MGLL: variants seen among roughly 807,000 people sequenced by gnomAD.
MGLL encodes the protein monoglyceride lipase.
A neutral mutation model predicts 29.1 loss-of-function variants in MGLL; 7 were observed. The observed-to-expected ratio is 0.24, with a 90% CI of 0.14 to 0.45. MGLL has a LOEUF of 0.45. MGLL is among the 20% of genes least tolerant of loss of function. MGLL has a pLI of 0.99. For synonymous variants in MGLL, 148 were observed against 168.3 expected (o/e 0.88, Z 0.93); for missense variants, 356 against 413.6 (o/e 0.86, Z 1.21).
intron 3 of MGLL, among the ~76,000 whole-genome samples, chr3:127,738,822 C>T (rs1289304904): frequency 6.6e-6 from 1 of 152,190 alleles, no homozygotes; most frequent in Non-Finnish European, 1.5e-5. Context: ...TCCCAATCTG[C>T]ACCAGCCGCA....
chr3:127,786,169 C>T lies in MGLL; in HGVS notation c.156-4274G>A, dbSNP rs1053034853. ...CAGAGGATGGTACCCAGCTGGGCAG[C>T]GACCTGATCTGACTTCAGCTTTGTG... On this transcript the variant is annotated intron_variant, in intron 2 of 7. Coordinates refer to ENST00000265052, the MANE Select transcript of MGLL (RefSeq NM_007283.7). Among the ~76,000 whole-genome samples, 10 of 152,194 alleles carry T rather than the reference C, an allele frequency of 6.6e-5. No homozygotes were observed. In the East Asian group the frequency reaches 1.2e-3, roughly 18 times the overall value.
intron 6 of MGLL, among the ~76,000 whole-genome samples, chr3:127,702,270 TG>T (rs1400310933): frequency 6.6e-6 from 1 of 152,214 alleles, no homozygotes; most frequent in African/African-American, 2.4e-5. Flanking sequence ...CTAGCCTGGC[TG>T]GAGTGGGAAC....
At chr3:127,814,991 G>A (rs2077729568) in intron 2 of MGLL, among the ~76,000 whole-genome samples, 1 of 152,184 alleles carries the variant, frequency 6.6e-6, no homozygotes, top group Non-Finnish European at 1.5e-5. Flanking sequence ...ATGCATGGTA[G>A]GGCCCATTTT....
chr3:127,742,108 T>C (rs2076351004), intron 3 of MGLL, among the ~76,000 whole-genome samples: 1 of 152,096 alleles, frequency 6.6e-6, no homozygotes. Flanking sequence ...TTTTCATGAG[T>C]TCTAATACAT....
intron 3 of MGLL, among the ~76,000 whole-genome samples, chr3:127,745,255 C>G (rs1217447639): frequency 6.6e-6 from 1 of 152,238 alleles, no homozygotes; most frequent in African/African-American, 2.4e-5. Context: ...TGCTAGTCTT[C>G]CTTTCTCCAC....
intron 6 of MGLL, among the ~76,000 whole-genome samples, chr3:127,707,849 G>A (rs1319604867): frequency 6.6e-6 from 1 of 152,246 alleles, no homozygotes; most frequent in African/African-American, 2.4e-5. Context: ...CGCAAGTGAA[G>A]AGAGCCCACT....
At chr3:127,791,233 G>T (rs1415025481) in intron 2 of MGLL, 3 of 152,214 alleles carry the variant, frequency 2.0e-5, no homozygotes, top group Non-Finnish European at 4.4e-5. Flanking sequence ...ATCATTGAAA[G>T]ATCAGAGTCC....
intron 3 of MGLL, among the ~76,000 whole-genome samples, chr3:127,741,518 C>A (rs1256647654): frequency 6.6e-6 from 1 of 152,218 alleles, no homozygotes; most frequent in Non-Finnish European, 1.5e-5. Flanking sequence ...GCTAGGACAC[C>A]ACGATGCGTG....
At chr3:127,817,562 T>C (rs1184369511) in intron 2 of MGLL, among the ~76,000 whole-genome samples, 1 of 152,206 alleles carries the variant, frequency 6.6e-6, no homozygotes, top group Non-Finnish European at 1.5e-5. Flanking sequence ...ACAGCAAATA[T>C]GGTCTGCTCC....
intron 3 of MGLL, among the ~76,000 whole-genome samples, chr3:127,760,544 GC>G (rs2076744848): frequency 1.3e-5 from 2 of 152,226 alleles, no homozygotes; most frequent in African/African-American, 4.8e-5. Context: ...TTGGCAGGAG[GC>G]GAGGTGAGGA....
chr3:127,745,822 GC>G (rs1466408367), intron 3 of MGLL, among the ~76,000 whole-genome samples: 3 of 152,130 alleles, frequency 2.0e-5, no homozygotes, highest in African/African-American at 4.8e-5. Context: ...AAGAGTCCCA[GC>G]CCCCATACTG....
intron 2 of MGLL, chr3:127,799,301 G>A (rs1442423259): frequency 1.3e-5 from 2 of 152,132 alleles, no homozygotes; most frequent in African/African-American, 2.4e-5. Flanking sequence ...GGTGAGTGAA[G>A]CTATTCGTTA....
At chr3:127,819,674 A>T (rs1463288490) in intron 2 of MGLL, among the ~76,000 whole-genome samples, 1 of 152,192 alleles carries the variant, frequency 6.6e-6, no homozygotes, top group East Asian at 1.9e-4. Context: ...TCTTCCTAAA[A>T]GCAGAGTGAA....
rs1553751759 is a variant in MGLL, at chr3:127,692,114, TTG to T, written c.*82_*83del. ...TTCTGATTTTTTTTTTTTTTTTTTT[TTG>T]GCAAGCCATATCTGAGAAGCCATCT... On this transcript the variant is annotated 3_prime_UTR_variant, in exon 8 of 8. Coordinates refer to ENST00000265052, the MANE Select transcript of MGLL (RefSeq NM_007283.7). 0.11 allele frequency: 79,603 copies of T among 719,470 alleles called. 2,886 individuals are homozygous for T. Among genetic ancestry groups the T allele is most frequent in the Non-Finnish European group, 0.13 (62,146 of 494,628 alleles). The allele number at this position is 719,470 out of a possible 1,614,324, so 44.6% of individuals were successfully genotyped here. A position where few individuals can be genotyped will look rare whatever the true frequency, so the allele number is the denominator to read the frequency against.
intron 3 of MGLL, among the ~76,000 whole-genome samples, chr3:127,756,897 G>C (rs1004509712): frequency 3.3e-5 from 5 of 152,128 alleles, no homozygotes; most frequent in African/African-American, 1.2e-4. Context: ...GTAGCAGGAG[G>C]GGCCCTCGTC....
intron 3 of MGLL, among the ~76,000 whole-genome samples, chr3:127,726,020 G>A (rs1303223358): frequency 2.7e-5 from 4 of 150,502 alleles, no homozygotes; most frequent in Admixed American, 6.6e-5. Context: ...AGCTGTGCTC[G>A]CACCACTGCT....
intron 2 of MGLL, among the ~76,000 whole-genome samples, chr3:127,783,086 T>C (rs557377483): frequency 7.2e-6 from 1 of 138,700 alleles, no homozygotes; most frequent in South Asian, 2.2e-4. Context: ...GAGATTGCAG[T>C]TGAGCCAAGA....
intron 6 of MGLL, among the ~76,000 whole-genome samples, chr3:127,704,988 T>C (rs565684699): frequency 2.0e-5 from 3 of 152,162 alleles, no homozygotes; most frequent in Non-Finnish European, 4.4e-5. Context: ...CCATCAATGA[T>C]AGACTGGATA....
At chr3:127,701,818 C>G (rs1201935272) in intron 6 of MGLL, among the ~76,000 whole-genome samples, 1 of 152,214 alleles carries the variant, frequency 6.6e-6, no homozygotes, top group African/African-American at 2.4e-5. Context: ...TTTCCACCAT[C>G]CCCTTCCACG....
Sources: allele counts gnomAD v4.1 joint callset (sites outside exome capture counted in the v4.1 genomes callset), GRCh38; gene constraint gnomAD v4.1.1; transcripts MANE v1.5; gene names NCBI Gene and HGNC (gene_info 2026-07-23, HGNC 2026-07-21).